IQSEC1: variants seen among roughly 807,000 people sequenced by gnomAD.
IQSEC1 encodes IQ motif and Sec7 domain ArfGEF 1.
Under a neutral mutation model 91.0 loss-of-function variants are expected in IQSEC1, and 31 were observed. The ratio of observed to expected loss-of-function variants is 0.34; its 90% CI spans 0.26 to 0.46. The LOEUF (loss-of-function observed/expected upper bound fraction) is 0.46. Ranked by LOEUF, IQSEC1 falls within the 20% of genes least tolerant of loss-of-function variation. The pLI is 1.00. For synonymous variants in IQSEC1, 699 were observed against 662.6 expected, an observed-to-expected ratio of 1.05 and a Z score of -0.84; for missense variants, 1,388 against 1,575.6, an observed-to-expected ratio of 0.88 and a Z score of 2.02.
intron 12 of IQSEC1, among the ~76,000 whole-genome samples, chr3:12,904,919 C>T (rs1350120197): frequency 6.6e-6 from 1 of 152,172 alleles, no homozygotes; most frequent in Non-Finnish European, 1.5e-5. Flanking sequence ...CTTGGGTGAA[C>T]ACTTAGGAGT....
intron 2 of IQSEC1, among the ~76,000 whole-genome samples, chr3:13,108,509 A>AT (rs985775537): frequency 7.2e-4 from 106 of 146,392 alleles, no homozygotes; most frequent in Middle Eastern, 3.6e-3. Flanking sequence ...TGCACATTCT[A>AT]TTTTTTTTTT....
At chr3:13,195,598 C>T (rs1256294259) in intron 1 of IQSEC1, among the ~76,000 whole-genome samples, 1 of 152,184 alleles carries the variant, frequency 6.6e-6, no homozygotes, top group African/African-American at 2.4e-5. Flanking sequence ...GACATTTACA[C>T]AGAGTGAAGA....
chr3:12,900,434 C>T lies in IQSEC1; in HGVS notation c.*549G>A, dbSNP rs1054310095. 7.8e-6 allele frequency: 7 copies of T among 896,968 alleles called. No homozygotes were observed. The South Asian group carries it at 2.0e-4, about 26-fold the overall frequency. 55.6% of individuals were successfully genotyped at this position (896,968 alleles called of 1,614,324 possible). On this transcript the variant is annotated 3_prime_UTR_variant, in exon 14 of 14. Transcript: ENST00000613206. ...GACTGAAACGCCTGCCTTTCACACA[C>T]AAGTACTACCTATACAGTATATATA...
chr3:13,035,257 C>T (rs906154161), intron 1 of IQSEC1, among the ~76,000 whole-genome samples: 8 of 152,336 alleles, frequency 5.3e-5, no homozygotes, highest in African/African-American at 1.4e-4. Flanking sequence ...CAGTAAACTC[C>T]CTTTTTGCTG....
At chr3:13,144,545 G>A (rs1257506444) in intron 2 of IQSEC1, among the ~76,000 whole-genome samples, 2 of 152,192 alleles carry the variant, frequency 1.3e-5, no homozygotes, top group Non-Finnish European at 2.9e-5. Flanking sequence ...CCATTCACAG[G>A]GGAAGCCCTG....
chr3:13,187,927 T>A lies in IQSEC1; in HGVS notation c.273-23794A>T, dbSNP rs149554128. 4.6e-3 allele frequency among the ~76,000 whole-genome samples: 702 copies of A among 152,272 alleles called. 4 individuals carry two copies. Among genetic ancestry groups the A allele is most frequent in the African/African-American group, 0.015 (615 of 41,546 alleles). Reference sequence around the variant, plus strand: ...GGACACTAATCCTACTGAGGTGGTCTCCACCCAAGACCTGATCACCCCCCA... The same window carrying A: ...GGACACTAATCCTACTGAGGTGGTCACCACCCAAGACCTGATCACCCCCCA... On this transcript the variant is annotated intron_variant, in intron 1 of 15. Coordinates refer to the IQSEC1 transcript ENST00000648114.
rs1702116940 is a variant in IQSEC1 at position 12,994,068 on chromosome 3, G to C, written c.24-52203C>G. On this transcript the variant is annotated intron_variant, in intron 1 of 13. Coordinates refer to ENST00000613206, the MANE Select transcript of IQSEC1 (RefSeq NM_001134382.3). This position sits in a 1 kb window ranked among gnomAD's most constrained non-coding sequence, Gnocchi z 4.5. ...CGGTCGCCGGGCGCGTCCCCCGCCG[G>C]CCCGCCTCCTACCTCGCGGGTCCGC... is the stretch of plus-strand genomic sequence containing the variant. 6.8e-6 allele frequency among the ~76,000 whole-genome samples: 1 copy of C among 147,312 alleles called. No individual in the cohort carries two copies. Among genetic ancestry groups the C allele is most frequent in the Non-Finnish European group, 1.5e-5 (1 of 66,136 alleles).
chr3:13,065,346 GCAGA>G (rs1247239135), intron 1 of IQSEC1, among the ~76,000 whole-genome samples: 1 of 152,248 alleles, frequency 6.6e-6, no homozygotes, highest in Non-Finnish European at 1.5e-5. Flanking sequence ...TGGCCTCTGG[GCAGA>G]AGAACAAGAA....
At chr3:13,230,226 A>T (rs988456356) in intron 1 of IQSEC1, among the ~76,000 whole-genome samples, 10 of 152,178 alleles carry the variant, frequency 6.6e-5, no homozygotes, top group African/African-American at 2.2e-4. Flanking sequence ...GGTGCCCTTT[A>T]GAGTTGTTTT....
intron 2 of IQSEC1, among the ~76,000 whole-genome samples, chr3:13,147,813 A>G (rs1223672730): frequency 1.3e-5 from 2 of 152,156 alleles, no homozygotes; most frequent in East Asian, 3.9e-4. Flanking sequence ...TTGTAGTTTT[A>G]GTAGAGATGA....
chr3:13,135,469 G>A (rs937270044), intron 2 of IQSEC1, among the ~76,000 whole-genome samples: 1 of 152,254 alleles, frequency 6.6e-6, no homozygotes, highest in African/African-American at 2.4e-5. Context: ...CCTGGGGTCA[G>A]GGGTGAGGCC....
chr3:13,082,888 C>T (rs1349081519), intron 2 of IQSEC1, among the ~76,000 whole-genome samples: 1 of 152,222 alleles, frequency 6.6e-6, no homozygotes, highest in African/African-American at 2.4e-5. Flanking sequence ...TCTTCCCGGC[C>T]CCAGGGCCTT....
At chr3:13,244,806 C>CA (rs199562358) in intron 1 of IQSEC1, among the ~76,000 whole-genome samples, 2,427 of 152,004 alleles carry the variant, frequency 0.016, 63 homozygotes, top group African/African-American at 0.053. Context: ...AAGCACACAC[C>CA]AAAAAAAGCC....
At chr3:12,933,490 T>C (rs570820315) in intron 3 of IQSEC1, among the ~76,000 whole-genome samples, 1 of 152,322 alleles carries the variant, frequency 6.6e-6, no homozygotes, top group Admixed American at 6.5e-5. Flanking sequence ...TAGCAGCTAA[T>C]ACATAGTAAG....
intron 1 of IQSEC1, among the ~76,000 whole-genome samples, chr3:13,229,973 C>G (rs1355075245): frequency 5.9e-5 from 9 of 152,126 alleles, no homozygotes; most frequent in African/African-American, 2.2e-4. Flanking sequence ...CAGAAGAGTG[C>G]CTGGCATATG....
chr3:12,984,398 G>A (rs1446884792), intron 1 of IQSEC1, among the ~76,000 whole-genome samples: 3 of 152,204 alleles, frequency 2.0e-5, no homozygotes, highest in Non-Finnish European at 4.4e-5. Flanking sequence ...ACAGGCCCAG[G>A]GCTGAGCTAA....
chr3:12,964,303 C>CACACACACACACAG (rs1700424541), intron 1 of IQSEC1, among the ~76,000 whole-genome samples: 2 of 71,510 alleles, frequency 2.8e-5, no homozygotes, highest in South Asian at 1.9e-3. Flanking sequence ...TCCCCCTACA[C>CACACACACACACAG]ACACACACAC....
At chr3:12,963,839 G>C (rs967664968) in intron 1 of IQSEC1, among the ~76,000 whole-genome samples, 1 of 152,230 alleles carries the variant, frequency 6.6e-6, no homozygotes, top group African/African-American at 2.4e-5. Context: ...AAGGAACACA[G>C]GAAAGTGAAA....
In IQSEC1 at chr3:13,072,026, T is replaced by C. The variant is rs116710416; in HGVS notation, c.23+966A>G. ...GCCATGGTAAGGGGCCTCCATCGAT[T>C]AGGGAGGCCTTGGGGTAGCCCCCAG... On this transcript the variant is annotated intron_variant, in intron 1 of 13. Coordinates refer to ENST00000613206, the MANE Select transcript of IQSEC1 (RefSeq NM_001134382.3). 2.1e-3 allele frequency among the ~76,000 whole-genome samples: 318 copies of C among 152,328 alleles called. 1 individual carries two copies. Among genetic ancestry groups the C allele is most frequent in the African/African-American group, 7.5e-3 (310 of 41,576 alleles).
Sources: allele counts gnomAD v4.1 joint callset (sites outside exome capture counted in the v4.1 genomes callset), GRCh38; gene constraint gnomAD v4.1.1; non-coding constraint Gnocchi (gnomAD v3.1); transcripts MANE v1.5; gene names NCBI Gene and HGNC (gene_info 2026-07-23, HGNC 2026-07-21).